The following RYR3 variants were observed in gnomAD, a reference collection of about 807,000 sequenced individuals.
The protein encoded by RYR3 is ryanodine receptor 3, also known as brain ryanodine receptor-calcium release channel.
A neutral mutation model predicts 584.3 loss-of-function variants in RYR3; 207 were observed. That is an observed-to-expected ratio of 0.35 (90% CI 0.32 to 0.40). The LOEUF (loss-of-function observed/expected upper bound fraction) is 0.40. Ranked by LOEUF, RYR3 falls within the 10% of genes least tolerant of loss-of-function variation. The pLI, the probability that RYR3 is intolerant of heterozygous loss-of-function variation, is 1.00. For synonymous variants in RYR3, 2,416 were observed against 2,248.5 expected, an observed-to-expected ratio of 1.07 and a Z score of -2.11; for missense variants, 5,616 against 6,089.2, an observed-to-expected ratio of 0.92 and a Z score of 2.59.
intron 20 of RYR3, among the ~76,000 whole-genome samples, chr15:33,626,544 C>T (rs553214695): frequency 5.3e-5 from 8 of 152,220 alleles, no homozygotes; most frequent in African/African-American, 1.9e-4. Context: ...AACAAGGAGC[C>T]GAATGTTAAT....
chr15:33,644,575 C>T (rs778482054), intron 28 of RYR3, 56 bp downstream of exon 28: 2 of 1,386,390 alleles, frequency 1.4e-6, no homozygotes, highest in Admixed American at 1.8e-5. Context: ...AGGCCCTAAG[C>T]TTGCCCTAAG....
intron 74 of RYR3, 136 bp downstream of exon 74, chr15:33,813,715 C>A: frequency 1.4e-6 from 1 of 711,416 alleles, no homozygotes; most frequent in Non-Finnish European, 2.4e-6. Flanking sequence ...TTGCAGTCTG[C>A]ATAGTATAAG....
chr15:33,658,281 T>A (rs74842102), intron 32 of RYR3, among the ~76,000 whole-genome samples: 9,504 of 152,268 alleles, frequency 0.062, 773 homozygotes, highest in African/African-American at 0.19. Flanking sequence ...GGTCCTGTTT[T>A]CATGCTGGCT....
intron 67 of RYR3, among the ~76,000 whole-genome samples, chr15:33,790,618 T>C (rs1336804489): frequency 6.6e-6 from 1 of 152,184 alleles, no homozygotes; most frequent in Non-Finnish European, 1.5e-5. Context: ...TAGTTGCCTA[T>C]TCAATAGAAA....
At chr15:33,513,007 C>T (rs746794423) in intron 3 of RYR3, among the ~76,000 whole-genome samples, 10 of 152,148 alleles carry the variant, frequency 6.6e-5, no homozygotes, top group Non-Finnish European at 1.0e-4. Flanking sequence ...TGAATTTCAG[C>T]TGCGTTTCTG....
In RYR3 at chr15:33,391,175, G is replaced by T. The variant is rs563997103; in HGVS notation, c.51+80079G>T. Among the ~76,000 whole-genome samples the T allele has an allele frequency of 3.9e-5, 6 of 152,210 alleles. No individual in the cohort carries two copies. In the South Asian group the frequency reaches 1.2e-3, roughly 32 times the overall value. ...CACTCTGCTTATAGTCAAAGATTTG[G>T]GAGTAATTCTCAAATACAGACATGG... On this transcript the variant is annotated intron_variant, in intron 1 of 103. Coordinates refer to ENST00000634891, the MANE Select transcript of RYR3 (RefSeq NM_001036.6).
At chr15:33,612,190 A>G (rs1301589253) in intron 18 of RYR3, among the ~76,000 whole-genome samples, 2 of 152,226 alleles carry the variant, frequency 1.3e-5, no homozygotes. Flanking sequence ...AGGAAAGCAG[A>G]GAGGTGATTT....
intron 43 of RYR3, among the ~76,000 whole-genome samples, chr15:33,716,068 G>T (rs1041295985): frequency 1.3e-5 from 2 of 152,010 alleles, no homozygotes; most frequent in Non-Finnish European, 1.5e-5. Flanking sequence ...TAAGTGTGTG[G>T]TACCTTCCTC....
intron 1 of RYR3, among the ~76,000 whole-genome samples, chr15:33,442,553 G>A (rs992072224): frequency 6.6e-6 from 1 of 152,176 alleles, no homozygotes; most frequent in Non-Finnish European, 1.5e-5. Context: ...TTGCAAAGAC[G>A]TATCATGTAA....
chr15:33,584,594 A>G, intron 15 of RYR3, 104 bp downstream of exon 15: 1 of 587,288 alleles, frequency 1.7e-6, no homozygotes, highest in South Asian at 2.3e-5. Context: ...GATTGCAAAC[A>G]ATCCTCAAAT....
chr15:33,443,552 A>G (rs182837347), intron 1 of RYR3, among the ~76,000 whole-genome samples: 1 of 152,298 alleles, frequency 6.6e-6, no homozygotes, highest in Admixed American at 6.5e-5. Context: ...ACAGCCCTTA[A>G]AAACATGACA....
chr15:33,796,441 T>A (rs910065671), intron 67 of RYR3, among the ~76,000 whole-genome samples: 2 of 152,204 alleles, frequency 1.3e-5, no homozygotes, highest in African/African-American at 4.8e-5. Flanking sequence ...GCCCCATTTG[T>A]CTTTTTGAAA....
chr15:33,685,028 CTG>C (rs1183512894), intron 38 of RYR3, among the ~76,000 whole-genome samples: 17 of 152,216 alleles, frequency 1.1e-4, no homozygotes, highest in Admixed American at 1.0e-3. Flanking sequence ...TATGAAGAAA[CTG>C]TATCAATTAA....
At chr15:33,709,597 G>A (rs893760598) in intron 43 of RYR3, among the ~76,000 whole-genome samples, 3 of 152,172 alleles carry the variant, frequency 2.0e-5, no homozygotes, top group South Asian at 2.1e-4. Context: ...TGGAGGCCAC[G>A]AGTTCAACAT....
intron 38 of RYR3, among the ~76,000 whole-genome samples, chr15:33,673,157 A>G (rs1023797762): frequency 1.3e-5 from 2 of 152,236 alleles, no homozygotes; most frequent in Non-Finnish European, 2.9e-5. Context: ...TCTGTGAGAT[A>G]TCTCACTGTT....
At position 33,646,300 on chromosome 15, in the gene RYR3, T is replaced by C. The variant is rs374514982; in HGVS notation, c.3766-51T>C. On this transcript the variant is annotated intron_variant, in intron 28 of 103. Coordinates refer to ENST00000634891, the MANE Select transcript of RYR3 (RefSeq NM_001036.6). ...GTCCACGAGGGAAAAAGGGACTGGG[T>C]CAAGGTCAGGCCCTTTGGTATGTCA... 3.8e-4 allele frequency: 572 copies of C among 1,504,066 alleles called. 1 individual carries two copies. Among genetic ancestry groups the C allele is most frequent in the Non-Finnish European group, 4.8e-4 (535 of 1,108,442 alleles). The allele number at this position is 1,504,066 out of a possible 1,614,324, so 93.2% of individuals were successfully genotyped here.
intron 1 of RYR3, among the ~76,000 whole-genome samples, chr15:33,462,778 C>T (rs1267480946): frequency 2.6e-5 from 4 of 152,032 alleles, no homozygotes; most frequent in Admixed American, 1.3e-4. Flanking sequence ...CTCGTTGGAG[C>T]CACAGTGCTT....
Position 33,705,011 on chromosome 15 carries a change from C to T in RYR3, c.6484-1908C>T, listed in dbSNP as rs184418377. 1.8e-4 allele frequency among the ~76,000 whole-genome samples: 28 copies of T among 152,192 alleles called. No homozygotes were observed. In the East Asian group the frequency reaches 2.3e-3, roughly 13 times the overall value. ...TGGAGTTTCTTCCTTCTATTGATCA[C>T]GCCAGAAATTAGATCATTTAGGATT... On this transcript the variant is annotated intron_variant, in intron 42 of 103. Coordinates refer to ENST00000634891, the MANE Select transcript of RYR3 (RefSeq NM_001036.6).
chr15:33,853,338 A>C (rs952790421), intron 95 of RYR3, among the ~76,000 whole-genome samples: 1 of 152,200 alleles, frequency 6.6e-6, no homozygotes, highest in Non-Finnish European at 1.5e-5. Context: ...CTCCCCTGCA[A>C]ATCAAGATAT....
Sources: gnomAD v4.1 joint callset for allele counts (sites outside exome capture counted in the v4.1 genomes callset) on GRCh38, gnomAD v4.1.1 for gene constraint, MANE v1.5 for transcripts, NCBI Gene and HGNC (gene_info 2026-07-23, HGNC 2026-07-21) for gene names.